Variants in EGFLAM observed in about 807,000 individuals in gnomAD.
EGFLAM encodes EGF like, fibronectin type III and laminin G domains.
A neutral mutation model predicts 113.1 loss-of-function variants in EGFLAM; 79 were observed. The observed-to-expected ratio is 0.70, with a 90% CI of 0.58 to 0.84. The LOEUF (loss-of-function observed/expected upper bound fraction) is 0.84, where lower values mean the gene tolerates loss of function less well. Ranked by LOEUF, EGFLAM falls within the 40% of genes least tolerant of loss-of-function variation. The probability of loss-of-function intolerance (pLI) is 0.00; values close to 1 mark genes in which losing one functional copy is unlikely to be tolerated. For synonymous variants in EGFLAM, 504 were observed against 487.6 expected, an observed-to-expected ratio of 1.03 and a Z score of -0.44; for missense variants, 1,265 against 1,291.6, an observed-to-expected ratio of 0.98 and a Z score of 0.32.
chr5:38,340,773 G>A (rs561391321), intron 3 of EGFLAM, among the ~76,000 whole-genome samples: 118 of 147,802 alleles, frequency 8.0e-4, no homozygotes, highest in African/African-American at 2.8e-3. Flanking sequence ...GGGAATGAAT[G>A]AGCATGAATG....
intron 6 of EGFLAM, among the ~76,000 whole-genome samples, chr5:38,387,076 C>T (rs78378099): frequency 0.037 from 5,695 of 152,050 alleles, 335 homozygotes; most frequent in African/African-American, 0.13. Context: ...AAGGGGCAGG[C>T]GATGAGAAAC....
In EGFLAM at chr5:38,462,951, A is replaced by G; in HGVS notation, c.2815A>G (p.Arg939Gly). 6.2e-7 allele frequency: 1 copy of G among 1,614,226 alleles called. No homozygotes were observed. Among genetic ancestry groups the G allele is most frequent in the Non-Finnish European group, 8.5e-7 (1 of 1,180,034 alleles). ...GATAACCGTGGATGACTATGGAGCC[A>G]GAACAGGCAAATCCCCAGGCATGAT... ...GKITVDDYGA[R>G]TGKSPGMMRQ... Residue 939 changes from arginine (R) to glycine (G), a missense_variant, in exon 21 of 22, where the codon AGA becomes GGA. Transcript: ENST00000322350.
In EGFLAM at chr5:38,445,494, A is replaced by AT. The variant is rs1325148450; in HGVS notation, c.2465-2804dup. The AT allele has an allele frequency of 6.2e-5, 92 of 1,479,766 alleles. 1 individual carries two copies. The highest frequency in any genetic ancestry group is 3.6e-4 in the Middle Eastern group (2 of 5,512). 91.7% of individuals were successfully genotyped at this position (1,479,766 alleles called of 1,614,324 possible). A position where few individuals can be genotyped will look rare whatever the true frequency, so the allele number is the denominator to read the frequency against. On this transcript the variant is annotated intron_variant, in intron 17 of 21. Transcript: ENST00000322350. ...TGGGTGCCAATCATGCTGAGGAGAG[A>AT]TTTCCAGTGGTTCCCCGCGGGGCTC... is the stretch of plus-strand genomic sequence containing the variant.
chr5:38,347,776 G>A (rs908053956), intron 3 of EGFLAM, among the ~76,000 whole-genome samples: 4 of 152,130 alleles, frequency 2.6e-5, no homozygotes, highest in Non-Finnish European at 5.9e-5. Context: ...TGAAGTACGT[G>A]ATCAGATTGC....
At chr5:38,454,711 T>C (rs754532066) in intron 19 of EGFLAM, among the ~76,000 whole-genome samples, 11 of 152,194 alleles carry the variant, frequency 7.2e-5, no homozygotes, top group African/African-American at 2.4e-5. Context: ...TCTTGAGGTT[T>C]CAGTGTTTGA....
intron 5 of EGFLAM, among the ~76,000 whole-genome samples, chr5:38,367,925 G>T (rs1192560353): frequency 6.6e-6 from 1 of 152,160 alleles, no homozygotes; most frequent in Non-Finnish European, 1.5e-5. Context: ...AAAAATAAAT[G>T]CTAATGATTT....
intron 1 of EGFLAM, among the ~76,000 whole-genome samples, chr5:38,276,194 T>A (rs752462961): frequency 2.6e-5 from 4 of 151,988 alleles, no homozygotes; most frequent in South Asian, 4.2e-4. Flanking sequence ...TTTAAAACCA[T>A]CAGATCTTAT....
intron 6 of EGFLAM, among the ~76,000 whole-genome samples, chr5:38,379,792 C>T (rs1740462186): frequency 6.7e-6 from 1 of 150,276 alleles, no homozygotes; most frequent in Non-Finnish European, 1.5e-5. Context: ...TTTCATGTCT[C>T]TTACCACTTA....
At chr5:38,422,523 G>C (rs1741864727) in intron 12 of EGFLAM, among the ~76,000 whole-genome samples, 1 of 152,054 alleles carries the variant, frequency 6.6e-6, no homozygotes, top group Admixed American at 6.5e-5. Context: ...TTCTTAAATG[G>C]AGAAAAATAA....
At chr5:38,310,003 T>C (rs1738384881) in intron 1 of EGFLAM, among the ~76,000 whole-genome samples, 1 of 152,172 alleles carries the variant, frequency 6.6e-6, no homozygotes, top group South Asian at 2.1e-4. Flanking sequence ...TCCAAGTTGC[T>C]AGCACCATTC....
chr5:38,271,422 G>A (rs1757762947), intron 1 of EGFLAM, among the ~76,000 whole-genome samples: 2 of 152,072 alleles, frequency 1.3e-5, no homozygotes, highest in Admixed American at 1.3e-4. Context: ...ATTCTTTTCT[G>A]GCTCACTACT....
chr5:38,386,246 G>T (rs1740658421), intron 6 of EGFLAM, among the ~76,000 whole-genome samples: 1 of 152,202 alleles, frequency 6.6e-6, no homozygotes, highest in Non-Finnish European at 1.5e-5. Flanking sequence ...GCCCAGGCTG[G>T]AGTGCAATGG....
At chr5:38,389,993 A>C (rs1053859368) in intron 6 of EGFLAM, among the ~76,000 whole-genome samples, 1 of 152,148 alleles carries the variant, frequency 6.6e-6, no homozygotes, top group African/African-American at 2.4e-5. Context: ...AGTGTGGTGA[A>C]AAATATCAGG....
intron 1 of EGFLAM, among the ~76,000 whole-genome samples, chr5:38,307,576 C>A (rs920265479): frequency 2.0e-5 from 3 of 152,204 alleles, no homozygotes; most frequent in African/African-American, 7.2e-5. Flanking sequence ...TATAAATTAC[C>A]CAGTCTCAGG....
At position 38,427,034 on chromosome 5, in the gene EGFLAM, CAG is replaced by C. The variant is rs1316032171; in HGVS notation, c.1841_1842del (p.Glu614ValfsTer24). ...DAFTLTIPQF[R>X]ESLRSYAATP... The stretch of plus-strand genomic sequence containing the variant: ...CTTTCACCTTGACCATTCCTCAGTT[CAG>C]AGAGTCTCTGAGATCTTACGCTGCA... On this transcript the variant is annotated frameshift_variant, in exon 14 of 22. Transcript: ENST00000322350. LOFTEE classifies it high-confidence loss of function. The C allele has an allele frequency of 6.2e-7, 1 of 1,614,044 alleles. No individual in the cohort carries two copies. The highest frequency in any genetic ancestry group is 1.7e-5 in the Admixed American group (1 of 60,022).
intron 5 of EGFLAM, among the ~76,000 whole-genome samples, chr5:38,365,746 G>T (rs951775213): frequency 5.3e-5 from 8 of 152,168 alleles, no homozygotes; most frequent in African/African-American, 1.9e-4. Flanking sequence ...TTTCAGCTTT[G>T]TATTCATATA....
intron 10 of EGFLAM, among the ~76,000 whole-genome samples, chr5:38,411,483 CTTTTT>C (rs759299989): frequency 1.8e-5 from 2 of 113,414 alleles, no homozygotes; most frequent in African/African-American, 3.6e-5. Context: ...TCATTAATTT[CTTTTT>C]TTTTTTTTTT....
In EGFLAM at chr5:38,406,805, C is replaced by A. The variant is rs763702316; in HGVS notation, c.829-23C>A. The A allele has an allele frequency of 3.1e-6, 5 of 1,603,116 alleles. No homozygotes were observed. In the African/African-American group the frequency reaches 6.7e-5, roughly 21 times the overall value. On this transcript the variant is annotated intron_variant, in intron 7 of 21. Transcript: ENST00000322350. Reference sequence around the variant, plus strand: ...TGCCATGCTCTGTGTTCATCTTGAACCCCTTTCCTTCTCTGGCTTTAGGTT... The same window carrying A: ...TGCCATGCTCTGTGTTCATCTTGAAACCCTTTCCTTCTCTGGCTTTAGGTT...
intron 1 of EGFLAM, among the ~76,000 whole-genome samples, chr5:38,299,072 A>T (rs1758513020): frequency 6.6e-6 from 1 of 152,200 alleles, no homozygotes; most frequent in Admixed American, 6.5e-5. Context: ...GCACAGAAAG[A>T]TAAGGAAATG....
Sources: gnomAD v4.1 joint callset for allele counts (sites outside exome capture counted in the v4.1 genomes callset) on GRCh38, gnomAD v4.1.1 for gene constraint, MANE v1.5 for transcripts, NCBI Gene and HGNC (gene_info 2026-07-23, HGNC 2026-07-21) for gene names.